SRGAP3: variants seen among roughly 807,000 people sequenced by gnomAD.
SRGAP3 encodes the protein SLIT-ROBO Rho GTPase activating protein 3.
A neutral mutation model predicts 121.1 loss-of-function variants in SRGAP3; 39 were observed. The observed-to-expected ratio is 0.32, with a 90% confidence interval of 0.25 to 0.42. The LOEUF (loss-of-function observed/expected upper bound fraction) is 0.42, where lower values mean the gene tolerates loss of function less well. Among genes scored for constraint, SRGAP3 ranks in the 10% least tolerant of loss-of-function variants. The probability of loss-of-function intolerance (pLI) is 1.00; values close to 1 mark genes in which losing one functional copy is unlikely to be tolerated. For synonymous variants in SRGAP3, 601 were observed against 570.0 expected, an observed-to-expected ratio of 1.05 and a Z score of -0.77; for missense variants, 1,213 against 1,470.6, an observed-to-expected ratio of 0.82 and a Z score of 2.86.
At chr3:9,172,052 G>A (rs144793897) in intron 1 of SRGAP3, among the ~76,000 whole-genome samples, 1 of 147,950 alleles carries the variant, frequency 6.8e-6, no homozygotes, top group African/African-American at 2.5e-5. Context: ...CTTTTTATTA[G>A]TTAGAATGGA....
chr3:8,994,053 G>A, intron 19 of SRGAP3: 1 of 464,332 alleles, frequency 2.2e-6, no homozygotes, highest in East Asian at 4.3e-5. Context: ...CCTGGATACT[G>A]AGAGCCCTGG....
At chr3:9,322,078 G>A (rs1044154215) in intron 3 of SRGAP3, among the ~76,000 whole-genome samples, 9 of 151,724 alleles carry the variant, frequency 5.9e-5, no homozygotes, top group Admixed American at 5.9e-4. Flanking sequence ...TAAGATACCA[G>A]GGTTCAAATC....
At chr3:9,031,810 T>C (rs1944499388) in intron 12 of SRGAP3, among the ~76,000 whole-genome samples, 1 of 152,210 alleles carries the variant, frequency 6.6e-6, no homozygotes, top group Non-Finnish European at 1.5e-5. Context: ...GAAAGTGTCT[T>C]CATTAGAAGG....
At chr3:9,331,037 T>A (rs149316839) in intron 1 of SRGAP3, among the ~76,000 whole-genome samples, 133 of 152,346 alleles carry the variant, frequency 8.7e-4, no homozygotes, top group African/African-American at 3.0e-3. Flanking sequence ...ATAAATGGAT[T>A]TCACCAAAAG....
At chr3:8,996,777 G>C (rs567415841) in intron 18 of SRGAP3, among the ~76,000 whole-genome samples, 3 of 152,218 alleles carry the variant, frequency 2.0e-5, no homozygotes, top group Non-Finnish European at 4.4e-5. Context: ...GGTTTGCAAG[G>C]GCAGGAGCTG....
intron 1 of SRGAP3, among the ~76,000 whole-genome samples, chr3:9,352,094 T>C (rs1020698737): frequency 6.6e-6 from 1 of 152,098 alleles, no homozygotes; most frequent in Non-Finnish European, 1.5e-5. Context: ...GACACTCTGT[T>C]TCTGACTCCC....
intron 3 of SRGAP3, among the ~76,000 whole-genome samples, chr3:9,284,386 G>A (rs1333763043): frequency 7.2e-5 from 11 of 152,236 alleles, no homozygotes; most frequent in African/African-American, 2.7e-4. Flanking sequence ...TACCACGTGT[G>A]TGTGGCAAAG....
intron 10 of SRGAP3, among the ~76,000 whole-genome samples, chr3:9,047,136 TTTTC>T (rs1277417919): frequency 7.9e-5 from 12 of 152,148 alleles, no homozygotes; most frequent in Admixed American, 7.2e-4. Flanking sequence ...CCAGCCTCTA[TTTTC>T]TTTATTTTAT....
chr3:9,018,361 A>C (rs1206140637), intron 14 of SRGAP3, among the ~76,000 whole-genome samples: 1 of 152,174 alleles, frequency 6.6e-6, no homozygotes, highest in Admixed American at 6.5e-5. Context: ...TCTCCTCTAG[A>C]TAAATACCCA....
chr3:9,168,902 C>A (rs1020725461), intron 1 of SRGAP3, among the ~76,000 whole-genome samples: 1 of 152,224 alleles, frequency 6.6e-6, no homozygotes, highest in Non-Finnish European at 1.5e-5. Flanking sequence ...ACCCTGGAGC[C>A]AGACCCTGTG....
chr3:9,220,505 T>A (rs1158584744), intron 1 of SRGAP3, among the ~76,000 whole-genome samples: 1 of 152,146 alleles, frequency 6.6e-6, no homozygotes, highest in Non-Finnish European at 1.5e-5. Context: ...CAGATTATCA[T>A]GCAATGGCCC....
intron 1 of SRGAP3, among the ~76,000 whole-genome samples, chr3:9,156,307 T>A (rs1376454284): frequency 6.6e-6 from 1 of 152,214 alleles, no homozygotes; most frequent in Non-Finnish European, 1.5e-5. Context: ...GTTTGTTGCA[T>A]TCTCTCTCAA....
At chr3:8,987,598 G>A (rs950690000) in intron 21 of SRGAP3, among the ~76,000 whole-genome samples, 2 of 129,244 alleles carry the variant, frequency 1.5e-5, no homozygotes, top group Admixed American at 1.4e-4. Flanking sequence ...CTGGGGTCAG[G>A]GCCCAGAGCT....
At chr3:9,358,421 GAA>G (rs1228042879) in intron 1 of SRGAP3, among the ~76,000 whole-genome samples, 3 of 152,084 alleles carry the variant, frequency 2.0e-5, no homozygotes, top group African/African-American at 7.2e-5. Context: ...CTGTACTTTG[GAA>G]AAACTCTCAA....
chr3:9,102,620 A>T (rs1369538857), intron 3 of SRGAP3, among the ~76,000 whole-genome samples: 1 of 152,240 alleles, frequency 6.6e-6, no homozygotes, highest in Non-Finnish European at 1.5e-5. Context: ...GTGCAAAGTC[A>T]GCCAGCCAGG....
At position 9,058,415 on chromosome 3, in the gene SRGAP3, C is replaced by A; in HGVS notation, c.859G>T (p.Ala287Ser). ...LARTFRTYLSAEYNLETSRHE... is the reference protein window; with the variant it reads ...LARTFRTYLSSEYNLETSRHE... ...CGAGAGGTCTCCAGGTTGTATTCAG[C>A]TGAGAGATAGGTCCGGAAGGTGCGG... The change falls in exon 7 of 22, where the codon GCT becomes TCT. Residue 287 changes from alanine (A) to serine (S), a missense_variant. Ala to Ser is a moderately conservative substitution (Grantham distance 99, BLOSUM62 1). Coordinates refer to ENST00000383836, the MANE Select transcript of SRGAP3 (RefSeq NM_014850.4). 1 of 1,614,224 alleles carries A rather than the reference C, an allele frequency of 6.2e-7. No homozygotes were observed. The highest frequency in any genetic ancestry group is 8.5e-7 in the Non-Finnish European group (1 of 1,180,038).
At chr3:9,352,967 C>G (rs2030278280) in intron 1 of SRGAP3, among the ~76,000 whole-genome samples, 1 of 152,214 alleles carries the variant, frequency 6.6e-6, no homozygotes. Flanking sequence ...AGTCCCAAGG[C>G]CACAGTCTCT....
At chr3:9,075,440 G>A (rs1946929614) in intron 4 of SRGAP3, among the ~76,000 whole-genome samples, 1 of 152,176 alleles carries the variant, frequency 6.6e-6, no homozygotes, top group Non-Finnish European at 1.5e-5. Flanking sequence ...TTTTAAAGAG[G>A]AGGGTGCCTC....
At position 9,327,074 on chromosome 3, in the gene SRGAP3, AT is replaced by A. The variant is rs1955532905; in HGVS notation, n.284-907del. Among the ~76,000 whole-genome samples the A allele has an allele frequency of 3.3e-5, 5 of 151,852 alleles. 1 individual carries two copies. The South Asian group carries it at 1.0e-3, about 31-fold the overall frequency. On this transcript the variant is annotated intron_variant and non_coding_transcript_variant, in intron 2 of 3. Transcript: ENST00000490889. ...AATCATTTTTAAAAGAGAAAACCAA[AT>A]TTTATGTTTCCATTAGTGTATTTTT...
Sources: allele counts gnomAD v4.1 joint callset (sites outside exome capture counted in the v4.1 genomes callset), GRCh38; gene constraint gnomAD v4.1.1; transcripts MANE v1.5; gene names NCBI Gene and HGNC (gene_info 2026-07-23, HGNC 2026-07-21).